DNER: variants seen among roughly 807,000 people sequenced by gnomAD.
The protein encoded by DNER is delta/notch like EGF repeat containing, also known as delta and Notch-like epidermal growth factor-related receptor.
Under a neutral mutation model 78.2 loss-of-function variants are expected in DNER, and 33 were observed. That is an observed-to-expected ratio of 0.42 (90% confidence interval 0.32 to 0.56). The LOEUF (loss-of-function observed/expected upper bound fraction) is 0.56, where lower values mean the gene tolerates loss of function less well. Ranked by LOEUF, DNER falls within the 20% of genes least tolerant of loss-of-function variation. The pLI, the probability that DNER is intolerant of heterozygous loss-of-function variation, is 0.11. For missense variants in DNER, 918 were observed against 975.3 expected (o/e 0.94, Z 0.78); for synonymous variants, 417 against 384.8 (o/e 1.08, Z -0.98).
chr2:229,366,390 C>T (rs777730742), intron 12 of DNER, among the ~76,000 whole-genome samples: 7 of 152,212 alleles, frequency 4.6e-5, no homozygotes, highest in Non-Finnish European at 1.0e-4. Context: ...ACCACACTAA[C>T]TCCTTGTCCC....
At chr2:229,377,548 C>T (rs1280622245) in intron 11 of DNER, among the ~76,000 whole-genome samples, 1 of 152,082 alleles carries the variant, frequency 6.6e-6, no homozygotes, top group Non-Finnish European at 1.5e-5. Flanking sequence ...TGTTAATTTC[C>T]AGAACTGTGG....
intron 1 of DNER, among the ~76,000 whole-genome samples, chr2:229,616,135 C>A (rs533789343): frequency 6.6e-6 from 1 of 152,330 alleles, no homozygotes; most frequent in East Asian, 1.9e-4. Flanking sequence ...TATTTTGCTG[C>A]AGCTAGTTGG....
chr2:229,547,079 A>G lies in DNER; in HGVS notation c.861T>C (p.Asp287=). The G allele has an allele frequency of 6.2e-7, 1 of 1,614,074 alleles. No homozygotes were observed. Among genetic ancestry groups the G allele is most frequent in the Non-Finnish European group, 8.5e-7 (1 of 1,179,986 alleles). ...GNNHFIGFVN[D]SVTKSIVALR... is the part of the protein sequence containing the mutation. ...AAGCCACAATAGACTTAGTCACAGAATCATTCACAAAACCTAAAAGAAAAT... is the reference window on the plus strand; with the variant it reads ...AAGCCACAATAGACTTAGTCACAGAGTCATTCACAAAACCTAAAAGAAAAT... The change falls in exon 5 of 13, where the codon GAT becomes GAC. Residue 287 remains aspartate (D), a synonymous_variant. Coordinates refer to ENST00000341772, the MANE Select transcript of DNER (RefSeq NM_139072.4).
intron 10 of DNER, among the ~76,000 whole-genome samples, chr2:229,399,141 T>C (rs566741735): frequency 4.0e-5 from 6 of 151,470 alleles, no homozygotes; most frequent in African/African-American, 1.5e-4. Context: ...TCAGATGGCA[T>C]CATTATTTAT....
At chr2:229,668,693 T>C (rs962988269) in intron 1 of DNER, among the ~76,000 whole-genome samples, 1 of 150,372 alleles carries the variant, frequency 6.7e-6, no homozygotes, top group Non-Finnish European at 1.5e-5. Flanking sequence ...CCAGTTAGAA[T>C]GGAGATCATT....
intron 1 of DNER, among the ~76,000 whole-genome samples, chr2:229,705,904 T>G (rs571958001): frequency 7.2e-5 from 11 of 152,358 alleles, no homozygotes; most frequent in African/African-American, 2.6e-4. Context: ...GCATTTCTTT[T>G]CCCTGCCTCA....
chr2:229,567,795 C>A (rs997952471), intron 4 of DNER, among the ~76,000 whole-genome samples: 1 of 152,190 alleles, frequency 6.6e-6, no homozygotes, highest in African/African-American at 2.4e-5. Context: ...TTCTGTAATT[C>A]AATGTGACTA....
At position 229,655,020 on chromosome 2, in the gene DNER, A is replaced by C. The variant is rs569553530; in HGVS notation, c.276+59128T>G. Reference sequence around the variant, plus strand: ...AAAACATCTTTCAGATGTTTTAAAAAAAATTCATCGGTACTGAGATGAATC... The same window carrying C: ...AAAACATCTTTCAGATGTTTTAAAACAAATTCATCGGTACTGAGATGAATC... On this transcript the variant is annotated intron_variant, in intron 1 of 12. Coordinates refer to ENST00000341772, the MANE Select transcript of DNER (RefSeq NM_139072.4). Among the ~76,000 whole-genome samples, 13 of 152,298 alleles carry C rather than the reference A, an allele frequency of 8.5e-5. No individual in the cohort carries two copies. The East Asian group carries it at 2.5e-3, about 29-fold the overall frequency.
chr2:229,601,999 T>TA (rs1356651669), intron 1 of DNER, among the ~76,000 whole-genome samples: 2 of 125,122 alleles, frequency 1.6e-5, no homozygotes, highest in African/African-American at 3.7e-5. Flanking sequence ...AATGAAATGC[T>TA]TTTTTTTTTT....
intron 7 of DNER, among the ~76,000 whole-genome samples, chr2:229,472,760 A>G (rs1036824687): frequency 1.3e-5 from 2 of 152,234 alleles, no homozygotes; most frequent in African/African-American, 4.8e-5. Flanking sequence ...GAAAACATTC[A>G]TGATATTTCA....
At chr2:229,541,775 C>A (rs1316648885) in intron 5 of DNER, among the ~76,000 whole-genome samples, 1 of 151,398 alleles carries the variant, frequency 6.6e-6, no homozygotes, top group East Asian at 1.9e-4. Context: ...CTATAGGCCT[C>A]CCCCATTAGA....
chr2:229,567,007 T>A (rs929882372), intron 4 of DNER, among the ~76,000 whole-genome samples: 1 of 152,126 alleles, frequency 6.6e-6, no homozygotes, highest in African/African-American at 2.4e-5. Context: ...CTCCACCACC[T>A]TCCTCCTTAC....
chr2:229,671,083 T>C (rs1451344663), intron 1 of DNER, among the ~76,000 whole-genome samples: 2 of 152,170 alleles, frequency 1.3e-5, no homozygotes, highest in African/African-American at 2.4e-5. Context: ...CAGAAAAAGA[T>C]AAAAATAAAT....
chr2:229,431,714 A>G lies in DNER; in HGVS notation c.1487-13484T>C, dbSNP rs952422484. Among the ~76,000 whole-genome samples the G allele has an allele frequency of 4.6e-5, 7 of 151,930 alleles. No homozygotes were observed. In the South Asian group the frequency reaches 1.5e-3, roughly 32 times the overall value. On this transcript the variant is annotated intron_variant, in intron 8 of 12. Transcript: ENST00000341772. ...GACGAGTTAATGGGTGCAGCACATC[A>G]GCATGGCACATGTATACATATGTAA... is the stretch of plus-strand genomic sequence containing the variant.
At chr2:229,643,343 A>G (rs1698661018) in intron 1 of DNER, among the ~76,000 whole-genome samples, 1 of 152,206 alleles carries the variant, frequency 6.6e-6, no homozygotes, top group South Asian at 2.1e-4. Context: ...GATGACACCT[A>G]TCTTAAGCTG....
rs1696542092 is a variant in DNER at position 229,542,797 on chromosome 2, A to G, written c.993+4150T>C. Among the ~76,000 whole-genome samples, 2 of 123,426 alleles carry G rather than the reference A, an allele frequency of 1.6e-5. 1 individual carries two copies. Among genetic ancestry groups the G allele is most frequent in the Non-Finnish European group, 3.5e-5 (2 of 57,896 alleles). 81.0% of individuals were successfully genotyped at this position (123,426 alleles called of 152,430 possible). The stretch of plus-strand genomic sequence containing the variant: ...AGGCAAAAAAAAAAAAAAAAAAAAG[A>G]TTTTCCATTCCCTCTGTTCCTGCCT... On this transcript the variant is annotated intron_variant, in intron 5 of 12. Coordinates refer to ENST00000341772, the MANE Select transcript of DNER (RefSeq NM_139072.4).
chr2:229,416,262 A>G lies in DNER; in HGVS notation c.1609+1846T>C, dbSNP rs569852009. Among the ~76,000 whole-genome samples the G allele has an allele frequency of 5.3e-5, 8 of 152,332 alleles. No homozygotes were observed. The South Asian group carries it at 1.7e-3, about 32-fold the overall frequency. On this transcript the variant is annotated intron_variant, in intron 9 of 12. Coordinates refer to ENST00000341772, the MANE Select transcript of DNER (RefSeq NM_139072.4). ...ATCCAAATTCAATTTTGAGTAGTGT[A>G]CATTACTTTCTTCACTTCCTTTCTT...
chr2:229,707,774 A>C (rs902250477), intron 1 of DNER, among the ~76,000 whole-genome samples: 2 of 152,224 alleles, frequency 1.3e-5, no homozygotes, highest in Non-Finnish European at 2.9e-5. Flanking sequence ...TGATTCCCTA[A>C]TAGTCTAGAC....
chr2:229,450,284 C>T (rs1694429914), intron 7 of DNER, among the ~76,000 whole-genome samples: 1 of 152,050 alleles, frequency 6.6e-6, no homozygotes, highest in Non-Finnish European at 1.5e-5. Flanking sequence ...GAAAGAATAT[C>T]TAGGGAGGGT....
Sources: gnomAD v4.1 joint callset for allele counts (sites outside exome capture counted in the v4.1 genomes callset) on GRCh38, gnomAD v4.1.1 for gene constraint, MANE v1.5 for transcripts, NCBI Gene and HGNC (gene_info 2026-07-23, HGNC 2026-07-21) for gene names.